The following PPCS variants were observed in gnomAD, a reference collection of about 807,000 sequenced individuals.
PPCS encodes the protein phosphopantothenoylcysteine synthetase, also known as phosphopantothenate--cysteine ligase.
Under a neutral mutation model 24.6 loss-of-function variants are expected in PPCS, and 17 were observed. The ratio of observed to expected loss-of-function variants is 0.69; its 90% confidence interval spans 0.47 to 1.04. The LOEUF (loss-of-function observed/expected upper bound fraction) is 1.04, where lower values mean the gene tolerates loss of function less well. Among genes scored for constraint, PPCS ranks in the 50% least tolerant of loss-of-function variants. The probability of loss-of-function intolerance (pLI) is 0.00; values close to 1 mark genes in which losing one functional copy is unlikely to be tolerated. For missense variants in PPCS, 360 were observed against 402.8 expected, an observed-to-expected ratio of 0.89 and a Z score of 0.91; for synonymous variants, 190 against 168.3, an observed-to-expected ratio of 1.13 and a Z score of -1.00.
downstream of PPCS, among the ~76,000 whole-genome samples, chr1:42,462,807 A>G (rs1643446236): frequency 6.6e-6 from 1 of 152,166 alleles, no homozygotes; most frequent in South Asian, 2.1e-4. Flanking sequence ...AATTCTAGTC[A>G]AGCCCAGTTT....
intron 2 of PPCS, among the ~76,000 whole-genome samples, chr1:42,469,243 A>G (rs372060895): frequency 6.6e-6 from 1 of 152,186 alleles, no homozygotes; most frequent in African/African-American, 2.4e-5. Flanking sequence ...TAAGATGGGC[A>G]TGTTGGCACA....
downstream of PPCS, among the ~76,000 whole-genome samples, chr1:42,461,736 G>A (rs1277453877): frequency 6.6e-6 from 1 of 151,918 alleles, no homozygotes; most frequent in African/African-American, 2.4e-5. Flanking sequence ...TAGTAGAGAT[G>A]GGGTTTCACC....
downstream of PPCS, among the ~76,000 whole-genome samples, chr1:42,463,040 G>C (rs867894379): frequency 6.6e-6 from 1 of 152,200 alleles, no homozygotes; most frequent in South Asian, 2.1e-4. Flanking sequence ...AACGCCCCAA[G>C]ACAAAATGTA....
chr1:42,457,274 C>A lies in PPCS; in HGVS notation c.536C>A (p.Ala179Glu). The stretch of plus-strand genomic sequence containing the variant: ...CCTTCTGCGATGTTTTACCTGGCTG[C>A]GGCTGTGTCAGATTTCTATGTTCCT... ...LGPSAMFYLAAAVSDFYVPVS... is the reference protein window; with the variant it reads ...LGPSAMFYLAEAVSDFYVPVS... Residue 179 changes from alanine (A) to glutamate (E), a missense_variant, in exon 2 of 3, where the codon GCG (alanine) becomes GAG (glutamate). This residue lies in a region of PPCS where 116 missense variants were observed against 168.1 expected (regional missense o/e 0.69). Transcript: ENST00000372561. 1 of 1,614,184 alleles carries A rather than the reference C, an allele frequency of 6.2e-7. No individual in the cohort carries two copies. The highest frequency in any genetic ancestry group is 2.2e-5 in the East Asian group (1 of 44,882).
At chr1:42,457,495 G>T in intron 2 of PPCS, 145 bp downstream of exon 2, 1 of 682,728 alleles carries the variant, frequency 1.5e-6, no homozygotes, top group Non-Finnish European at 2.6e-6. Context: ...CCTCCCTCAT[G>T]GACCTCACAA....
intron 2 of PPCS, among the ~76,000 whole-genome samples, chr1:42,471,953 G>A (rs1158770838): frequency 2.6e-5 from 4 of 152,192 alleles, no homozygotes; most frequent in Non-Finnish European, 1.5e-5. Flanking sequence ...GTCTGTCACT[G>A]CAATTTGGGT....
chr1:42,463,365 G>A (rs1643467120), downstream of PPCS: 1 of 152,196 alleles, frequency 6.6e-6, no homozygotes, highest in Non-Finnish European at 1.5e-5. Context: ...GGACGCTCGC[G>A]GCACCCTCCG....
intron 2 of PPCS, chr1:42,473,085 G>T: frequency 1.6e-6 from 2 of 1,223,218 alleles, no homozygotes; most frequent in Non-Finnish European, 2.0e-6. Flanking sequence ...GTGTGTGTGT[G>T]TGTGTTCATA....
chr1:42,457,187 A>G (rs1271704951), intron 1 of PPCS, 60 bp from the exon 2 acceptor site: 9 of 1,607,068 alleles, frequency 5.6e-6, no homozygotes, highest in Non-Finnish European at 6.8e-6. Context: ...CGAGTTGAGA[A>G]GGAGCTGATC....
At chr1:42,458,863 A>T (rs1352034801) in intron 2 of PPCS, among the ~76,000 whole-genome samples, 2 of 152,256 alleles carry the variant, frequency 1.3e-5, no homozygotes, top group Non-Finnish European at 2.9e-5. Flanking sequence ...GTTACATGTG[A>T]CAATTTAAAA....
intron 2 of PPCS, among the ~76,000 whole-genome samples, chr1:42,467,937 A>G (rs1336771213): frequency 6.6e-6 from 1 of 152,260 alleles, no homozygotes. Context: ...CTTGCTGATG[A>G]GCAAGCAGAG....
At position 42,472,355 on chromosome 1, in the gene PPCS, A is replaced by G. The variant is rs76351992; in HGVS notation, n.378-767A>G. Among the ~76,000 whole-genome samples the G allele has an allele frequency of 7.9e-3, 1,200 of 152,344 alleles. 71 individuals carry two copies. In the East Asian group the frequency reaches 0.13, roughly 17 times the overall value. On this transcript the variant is annotated intron_variant and non_coding_transcript_variant, in intron 2 of 2. Transcript: ENST00000471420. ...CTGTCATACTGCAAACTGTTATGTC[A>G]TGATTACTTGCAACCTAAAAAAATT...
At chr1:42,472,693 A>C (rs991993257) in intron 2 of PPCS, among the ~76,000 whole-genome samples, 1 of 151,788 alleles carries the variant, frequency 6.6e-6, no homozygotes, top group Non-Finnish European at 1.5e-5. Context: ...ATATCATGTC[A>C]TTTGTTATTT....
At chr1:42,470,510 A>G (rs776881753) in intron 2 of PPCS, among the ~76,000 whole-genome samples, 12 of 152,248 alleles carry the variant, frequency 7.9e-5, no homozygotes, top group Non-Finnish European at 1.5e-4. Context: ...CTTTTACACC[A>G]GTGTTCATAG....
At chr1:42,469,991 G>C (rs1643715093) in intron 2 of PPCS, among the ~76,000 whole-genome samples, 1 of 152,198 alleles carries the variant, frequency 6.6e-6, no homozygotes, top group Non-Finnish European at 1.5e-5. Context: ...ATGCCTGTTT[G>C]ATTTTGTTCT....
chr1:42,471,744 G>A (rs1347450445), intron 2 of PPCS, among the ~76,000 whole-genome samples: 1 of 152,124 alleles, frequency 6.6e-6, no homozygotes, highest in East Asian at 1.9e-4. Context: ...AGAGGTGCAG[G>A]ATTCAGACTT....
At chr1:42,465,415 A>G (rs1643543156), downstream of PPCS, among the ~76,000 whole-genome samples, 1 of 152,098 alleles carries the variant, frequency 6.6e-6, no homozygotes, top group Non-Finnish European at 1.5e-5. Flanking sequence ...CCCAGGCTGT[A>G]TTGCAATGGC....
At chr1:42,468,285 C>T (rs1212475051) in intron 2 of PPCS, among the ~76,000 whole-genome samples, 1 of 152,222 alleles carries the variant, frequency 6.6e-6, no homozygotes, top group Non-Finnish European at 1.5e-5. Context: ...CAGATTTCTT[C>T]TCTCCTGATA....
chr1:42,459,178 T>G (rs1262819624), intron 2 of PPCS: 10 of 124,170 alleles, frequency 8.1e-5, no homozygotes, highest in Non-Finnish European at 1.2e-4. Context: ...TTTTTTTTTT[T>G]GTGAGACAAG....
Sources: gnomAD v4.1 joint callset for allele counts (sites outside exome capture counted in the v4.1 genomes callset) on GRCh38, gnomAD v4.1.1 for gene constraint, gnomAD v4.1.1 regional missense constraint, MANE v1.5 for transcripts, NCBI Gene and HGNC (gene_info 2026-07-23, HGNC 2026-07-21) for gene names.